Variants in DCAF6 observed in about 807,000 individuals in gnomAD.
DCAF6 encodes DDB1- and CUL4-associated factor 6.
Under a neutral mutation model 125.1 loss-of-function variants are expected in DCAF6, and 54 were observed. The ratio of observed to expected loss-of-function variants is 0.43; its 90% confidence interval spans 0.35 to 0.54. The LOEUF is 0.54. Among genes scored for constraint, DCAF6 ranks in the 20% least tolerant of loss-of-function variants. DCAF6 has a pLI of 0.01. For missense variants in DCAF6, 934 were observed against 1,161.7 expected (o/e 0.80, Z 2.85); for synonymous variants, 371 against 390.4 (o/e 0.95, Z 0.58).
chr1:168,037,043 T>G (rs2101724380), intron 12 of DCAF6, among the ~76,000 whole-genome samples: 1 of 152,200 alleles, frequency 6.6e-6, no homozygotes, highest in Non-Finnish European at 1.5e-5. Flanking sequence ...TTTGAAGTCT[T>G]GTTAATTGTC....
intron 21 of DCAF6, among the ~76,000 whole-genome samples, chr1:168,071,346 G>A (rs774840991): frequency 6.6e-6 from 1 of 152,226 alleles, no homozygotes; most frequent in Non-Finnish European, 1.5e-5. Context: ...GCTCACGCCT[G>A]TAATCTCAGC....
the DCAF6 span, among the ~76,000 whole-genome samples, chr1:167,912,991 C>T: frequency 5.9e-5 from 9 of 152,194 alleles, no homozygotes; most frequent in African/African-American, 1.9e-4. Context: ...CATTTGTATA[C>T]GCTTTATAGC....
At chr1:168,063,071 C>G (rs1691814880) in intron 17 of DCAF6, among the ~76,000 whole-genome samples, 1 of 152,062 alleles carries the variant, frequency 6.6e-6, no homozygotes, top group Non-Finnish European at 1.5e-5. Flanking sequence ...GCTGCCAAAC[C>G]TGGCTGATTT....
At chr1:167,979,530 G>A (rs1267304797) in intron 4 of DCAF6, among the ~76,000 whole-genome samples, 1 of 152,148 alleles carries the variant, frequency 6.6e-6, no homozygotes, top group Non-Finnish European at 1.5e-5. Context: ...GCATATGTCA[G>A]AATTTATTTC....
rs965420224 is a variant in DCAF6 at position 168,037,103 on chromosome 1, C to G, written c.1610-1268C>G. On this transcript the variant is annotated intron_variant, in intron 12 of 21. Transcript: ENST00000367840. ...AGAGGTTCTATGAGATTCTCCCCCC[C>G]CTTTTTTTTTTTTTTTTTGAGATGA... 5.7e-4 allele frequency among the ~76,000 whole-genome samples: 85 copies of G among 148,318 alleles called. No individual in the cohort carries two copies. In the South Asian group the frequency reaches 7.6e-3, roughly 13 times the overall value.
At chr1:168,065,327 T>A (rs563115519) in intron 18 of DCAF6, among the ~76,000 whole-genome samples, 1 of 152,194 alleles carries the variant, frequency 6.6e-6, no homozygotes, top group East Asian at 1.9e-4. Context: ...GTTTTTTTTT[T>A]TATAGATAGG....
chr1:168,033,380 A>G (rs1289023388), intron 12 of DCAF6, among the ~76,000 whole-genome samples: 3 of 149,960 alleles, frequency 2.0e-5, no homozygotes, highest in Admixed American at 6.6e-5. Flanking sequence ...CAGTGGCGCA[A>G]TCTCGGCTCA....
At chr1:167,959,294 G>A (rs1213448352) in intron 2 of DCAF6, among the ~76,000 whole-genome samples, 1 of 152,096 alleles carries the variant, frequency 6.6e-6, no homozygotes, top group Non-Finnish European at 1.5e-5. Context: ...GGACATCTTG[G>A]GTGCTTCCAA....
At chr1:167,929,541 T>C in the DCAF6 span, among the ~76,000 whole-genome samples, 1 of 152,210 alleles carries the variant, frequency 6.6e-6, no homozygotes, top group African/African-American at 2.4e-5. Flanking sequence ...AAGCAAATAA[T>C]AACAGACATA....
intron 4 of DCAF6, among the ~76,000 whole-genome samples, chr1:167,977,500 C>G (rs954072540): frequency 6.6e-6 from 1 of 151,938 alleles, no homozygotes; most frequent in Non-Finnish European, 1.5e-5. Context: ...TTTTCCTTGA[C>G]TACTTTTAAT....
intron 1 of DCAF6, among the ~76,000 whole-genome samples, chr1:167,940,809 AAAG>A (rs58478609): frequency 0.084 from 12,831 of 152,122 alleles, 601 homozygotes; most frequent in Middle Eastern, 0.096. Flanking sequence ...AATTGATAAA[AAAG>A]TAATTTTAAG....
chr1:168,048,822 A>G (rs1689461270), intron 16 of DCAF6, among the ~76,000 whole-genome samples: 1 of 152,254 alleles, frequency 6.6e-6, no homozygotes, highest in South Asian at 2.1e-4. Context: ...ACATTTAAAA[A>G]TGTAAAAACT....
chr1:167,945,662 T>G (rs377337336), intron 1 of DCAF6, among the ~76,000 whole-genome samples: 7 of 151,920 alleles, frequency 4.6e-5, no homozygotes, highest in East Asian at 1.9e-4. Flanking sequence ...CAGCTAATTT[T>G]TGTGTGTGTG....
intron 1 of DCAF6, among the ~76,000 whole-genome samples, chr1:167,938,885 T>C (rs1671787692): frequency 6.6e-6 from 1 of 152,070 alleles, no homozygotes; most frequent in African/African-American, 2.4e-5. Context: ...GTGTATTGGG[T>C]CTAGGGGAAT....
chr1:168,035,151 A>G (rs1687627603), intron 12 of DCAF6, among the ~76,000 whole-genome samples: 1 of 152,206 alleles, frequency 6.6e-6, no homozygotes, highest in African/African-American at 2.4e-5. Flanking sequence ...TACTGTCACT[A>G]ATACTGCAGT....
the DCAF6 span, chr1:167,903,770 T>C: frequency 3.4e-5 from 26 of 756,798 alleles, no homozygotes; most frequent in African/African-American, 3.9e-4. Flanking sequence ...TTATACACAT[T>C]TCATGGGGAA....
chr1:167,944,849 T>C (rs1672815434), intron 1 of DCAF6, among the ~76,000 whole-genome samples: 1 of 152,228 alleles, frequency 6.6e-6, no homozygotes, highest in Admixed American at 6.5e-5. Context: ...CTTTATAGTT[T>C]TGGGTCTTAC....
At chr1:168,012,447 T>C (rs1014520869) in intron 10 of DCAF6, among the ~76,000 whole-genome samples, 1 of 152,126 alleles carries the variant, frequency 6.6e-6, no homozygotes, top group African/African-American at 2.4e-5. Context: ...TTTATCATCG[T>C]TGTTTTTAAA....
the DCAF6 span, chr1:167,901,533 T>C: frequency 1.0e-6 from 1 of 960,862 alleles, no homozygotes; most frequent in Non-Finnish European, 1.7e-6. Flanking sequence ...ATTGTCCTGA[T>C]GCCAAAGTTC....
Sources: allele counts gnomAD v4.1 joint callset (sites outside exome capture counted in the v4.1 genomes callset), GRCh38; gene constraint gnomAD v4.1.1; transcripts MANE v1.5; gene names NCBI Gene and HGNC (gene_info 2026-07-23, HGNC 2026-07-21).